The following NFYC variants were observed in gnomAD, a reference collection of about 807,000 sequenced individuals.
NFYC encodes CAAT box DNA-binding protein subunit C.
Under a neutral mutation model 53.1 loss-of-function variants are expected in NFYC, and 25 were observed. That is an observed-to-expected ratio of 0.47 (90% CI 0.34 to 0.66). NFYC has a LOEUF of 0.66. NFYC is among the 30% of genes least tolerant of loss of function. The pLI is 0.01. For missense variants in NFYC, 260 were observed against 422.7 expected, an observed-to-expected ratio of 0.62 and a Z score of 3.38; for synonymous variants, 145 against 152.6, an observed-to-expected ratio of 0.95 and a Z score of 0.37.
In NFYC at chr1:40,736,546, C is replaced by T. The variant is rs142077339; in HGVS notation, c.-8-2290C>T. Among the ~76,000 whole-genome samples the T allele has an allele frequency of 1.5e-3, 231 of 152,230 alleles. 1 individual carries two copies. The highest frequency in any genetic ancestry group is 5.4e-3 in the African/African-American group (225 of 41,528). Reference sequence around the variant, plus strand: ...CCCTGCCAGCATCCCGTCACTGGCACGTTAAACCTTTTCAAATAATTCCTC... The same window carrying T: ...CCCTGCCAGCATCCCGTCACTGGCATGTTAAACCTTTTCAAATAATTCCTC... On this transcript the variant is annotated intron_variant, in intron 1 of 9. Coordinates refer to ENST00000447388, the MANE Select transcript of NFYC (RefSeq NM_014223.5).
chr1:40,748,971 T>C (rs1645765064), intron 3 of NFYC, among the ~76,000 whole-genome samples: 1 of 152,192 alleles, frequency 6.6e-6, no homozygotes, highest in Non-Finnish European at 1.5e-5. Flanking sequence ...CTGCACAGAC[T>C]ACCTCACCAA....
chr1:40,766,885 C>A (rs755174999), intron 8 of NFYC, 182 bp downstream of exon 8: 51 of 1,550,596 alleles, frequency 3.3e-5, no homozygotes, highest in Non-Finnish European at 3.1e-5. Flanking sequence ...ACATTAGATT[C>A]AAAGTGTTTT....
intron 2 of NFYC, among the ~76,000 whole-genome samples, chr1:40,742,378 G>A (rs1176546280): frequency 6.6e-6 from 1 of 152,072 alleles, no homozygotes; most frequent in East Asian, 1.9e-4. Context: ...CAAGACCCTG[G>A]GCTTTGATTT....
Position 40,754,260 on chromosome 1 carries a change from T to C in NFYC, c.387+1014T>C, listed in dbSNP as rs565723490. 1.5e-3 allele frequency: 773 copies of C among 532,786 alleles called. 7 individuals carry two copies. Among genetic ancestry groups the C allele is most frequent in the South Asian group, 4.3e-3 (307 of 71,496 alleles). 33.0% of individuals were successfully genotyped at this position (532,786 alleles called of 1,614,324 possible). ...AAGTGGGCATCCTAATGAACATTTG[T>C]AATTCTGACCCTGCATGAGGGCCTT... On this transcript the variant is annotated intron_variant, in intron 5 of 9. Coordinates refer to ENST00000447388, the MANE Select transcript of NFYC (RefSeq NM_014223.5).
chr1:40,732,439 A>G (rs1644816328), intron 1 of NFYC, among the ~76,000 whole-genome samples: 1 of 152,246 alleles, frequency 6.6e-6, no homozygotes, highest in African/African-American at 2.4e-5. Flanking sequence ...AAGATTTCCA[A>G]ACAATTTTAA....
intron 1 of NFYC, among the ~76,000 whole-genome samples, chr1:40,702,689 TTTTG>T (rs964145904): frequency 8.5e-5 from 13 of 152,090 alleles, no homozygotes; most frequent in African/African-American, 2.9e-4. Context: ...GTGAACATAT[TTTTG>T]TTTGTTTGTT....
intron 1 of NFYC, among the ~76,000 whole-genome samples, chr1:40,725,305 CACCAGAG>C (rs942396139): frequency 1.3e-5 from 2 of 152,176 alleles, no homozygotes; most frequent in Non-Finnish European, 2.9e-5. Context: ...CCCACCAAAC[CACCAGAG>C]ACCCCTTTGG....
In NFYC at chr1:40,742,116, G is replaced by T. The variant is rs138221682; in HGVS notation, c.105+3168G>T. ...GTAGAGATGGAGGTCTCACTATGTT[G>T]CCTAGGCTGGTCTCAAATTCCTGGC... is the stretch of plus-strand genomic sequence containing the variant. On this transcript the variant is annotated intron_variant, in intron 2 of 9. Coordinates refer to ENST00000447388, the MANE Select transcript of NFYC (RefSeq NM_014223.5). Among the ~76,000 whole-genome samples the T allele has an allele frequency of 5.8e-4, 88 of 151,414 alleles. 1 individual carries two copies. The highest frequency in any genetic ancestry group is 2.0e-3 in the African/African-American group (84 of 41,244).
intron 2 of NFYC, among the ~76,000 whole-genome samples, chr1:40,746,438 G>A (rs1002904770): frequency 6.6e-6 from 1 of 152,112 alleles, no homozygotes; most frequent in South Asian, 2.1e-4. Flanking sequence ...GAGATTTTCT[G>A]TTGGTCTTGC....
intron 5 of NFYC, chr1:40,754,592 T>C (rs1396588503): frequency 5.4e-6 from 2 of 368,792 alleles, no homozygotes; most frequent in Admixed American, 7.6e-5. Context: ...ACAAAGAGTA[T>C]CATACACCTG....
intron 6 of NFYC, among the ~76,000 whole-genome samples, chr1:40,759,559 ATGTGTGTG>A (rs145020339): frequency 6.7e-6 from 1 of 149,216 alleles, no homozygotes; most frequent in Non-Finnish European, 1.5e-5. Flanking sequence ...AAAAAAGTAT[ATGTGTGTG>A]TGTGTGTGTA....
intron 8 of NFYC, 178 bp downstream of exon 8, chr1:40,766,881 G>A: frequency 1.9e-6 from 3 of 1,550,570 alleles, no homozygotes; most frequent in Middle Eastern, 1.7e-4. Flanking sequence ...TGGAACATTA[G>A]ATTCAAAGTG....
rs548753392 is a variant in NFYC at position 40,706,908 on chromosome 1, G to A, written c.-9+15041G>A. ...TATGGGGCCGGGCGTGGTGGCTCAT[G>A]CCTGTAATCCCAGCACTTTGGGAGA... is the stretch of plus-strand genomic sequence containing the variant. On this transcript the variant is annotated intron_variant, in intron 1 of 9. Coordinates refer to ENST00000447388, the MANE Select transcript of NFYC (RefSeq NM_014223.5). Among the ~76,000 whole-genome samples, 5 of 152,250 alleles carry A rather than the reference G, an allele frequency of 3.3e-5. 1 individual carries two copies. The South Asian group carries it at 1.0e-3, about 32-fold the overall frequency.
chr1:40,730,426 A>G (rs1245398221), intron 1 of NFYC: 2 of 217,654 alleles, frequency 9.2e-6, no homozygotes, highest in Non-Finnish European at 1.6e-5. Context: ...GCGTAATTTC[A>G]GTATTGCTGT....
chr1:40,734,352 ATTTATTTAT>A (rs1644918571), intron 1 of NFYC, among the ~76,000 whole-genome samples: 1 of 150,436 alleles, frequency 6.6e-6, no homozygotes, highest in African/African-American at 2.4e-5. Context: ...TTATTTATTT[ATTTATTTAT>A]TTATTTATTT....
intron 2 of NFYC, among the ~76,000 whole-genome samples, chr1:40,739,949 G>A (rs968749679): frequency 1.3e-5 from 2 of 152,190 alleles, no homozygotes; most frequent in African/African-American, 4.8e-5. Flanking sequence ...AAGACATTCA[G>A]AGTGCCTGGA....
chr1:40,767,645 T>C (rs1248133029), intron 8 of NFYC, among the ~76,000 whole-genome samples: 1 of 151,842 alleles, frequency 6.6e-6, no homozygotes, highest in Non-Finnish European at 1.5e-5. Context: ...GGCATGGGAG[T>C]GGGAGGAAAT....
chr1:40,720,881 T>G, intron 1 of NFYC, among the ~76,000 whole-genome samples: 1 of 152,050 alleles, frequency 6.6e-6, no homozygotes, highest in Middle Eastern at 3.2e-3. Context: ...AAAAAAAATT[T>G]TTTTTTAAGT....
chr1:40,764,157 A>G (rs964033531), intron 7 of NFYC, among the ~76,000 whole-genome samples: 7 of 152,176 alleles, frequency 4.6e-5, no homozygotes, highest in Non-Finnish European at 1.0e-4. Context: ...TGACCCCCCA[A>G]AACTGGAAAG....
Sources: gnomAD v4.1 joint callset for allele counts (sites outside exome capture counted in the v4.1 genomes callset) on GRCh38, gnomAD v4.1.1 for gene constraint, MANE v1.5 for transcripts, NCBI Gene and HGNC (gene_info 2026-07-23, HGNC 2026-07-21) for gene names.